Variants in ZC3H11B observed in about 807,000 individuals in gnomAD.
ZC3H11B encodes the protein zinc finger CCCH-type containing 11B, also known as zinc finger CCCH domain-containing protein 11B.
ZC3H11B carries 3 observed loss-of-function variants against 34.0 expected under a neutral mutation model. The ratio of observed to expected loss-of-function variants is 0.09; its 90% CI spans 0.04 to 0.23. The LOEUF is 0.23. Ranked by LOEUF, ZC3H11B falls within the 10% of genes least tolerant of loss-of-function variation. ZC3H11B has a pLI of 1.00. For missense variants in ZC3H11B, 99 were observed against 660.1 expected (o/e 0.15, Z 9.31); for synonymous variants, 33 against 250.1 (o/e 0.13, Z 8.19).
exon 2 of ZC3H11B, chr1:219,612,224 C>A: frequency 1.6e-6 from 1 of 632,006 alleles, no homozygotes; most frequent in Non-Finnish European, 2.8e-6. Flanking sequence ...TGGTTGCTCT[C>A]AACAGGAACG....
At chr1:219,609,004 T>C (rs1168136563) in exon 2 of ZC3H11B, 1 of 114,094 alleles carries the variant, frequency 8.8e-6, no homozygotes, top group Non-Finnish European at 1.8e-5. Flanking sequence ...AAATTAGATA[T>C]TGCTCTTCAG....
chr1:219,610,619 CCTT>C, exon 2 of ZC3H11B: 1 of 728,658 alleles, frequency 1.4e-6, no homozygotes, highest in Non-Finnish European at 2.5e-6. Context: ...ACCCTCAGTG[CCTT>C]CTCCAGTTTA....
chr1:219,612,236 C>T lies in ZC3H11B; in HGVS notation c.-174G>A. 6.7e-6 allele frequency: 4 copies of T among 600,630 alleles called. No individual in the cohort carries two copies. The South Asian group carries it at 8.5e-5, about 13-fold the overall frequency. The allele number at this position is 600,630 out of a possible 1,614,324, so 37.2% of individuals were successfully genotyped here. A position where few individuals can be genotyped will look rare whatever the true frequency, so the allele number is the denominator to read the frequency against. On this transcript the variant is annotated 5_prime_UTR_variant, in exon 2 of 2. Coordinates refer to ENST00000651890, the Ensembl canonical transcript of ZC3H11B. ...AGCTGGTTGCTCTCAACAGGAACGT[C>T]TGTGTCTTCACTGAGTTCCAATCTA... is the stretch of plus-strand genomic sequence containing the variant.
At chr1:219,612,932 G>A (rs1361889524) in exon 1 of ZC3H11B, 6 of 239,376 alleles carry the variant, frequency 2.5e-5, no homozygotes, top group South Asian at 2.3e-4. Context: ...GTAGGATACC[G>A]GAATAAGGTT....
Position 219,610,758 on chromosome 1 carries a change from C to CT in ZC3H11B, c.1304dup (p.Thr436AspfsTer2). ...CTGTTTTTTTAATTTCACTATCAGT[C>CT]TTTAGCTTGATGCAAGTTGTATCCT... is the stretch of plus-strand genomic sequence containing the variant. On this transcript the variant is annotated frameshift_variant, in exon 2 of 2. Coordinates refer to ENST00000651890, the Ensembl canonical transcript of ZC3H11B. LOFTEE classifies it high-confidence loss of function. 1 of 588,838 alleles carries CT rather than the reference C, an allele frequency of 1.7e-6. No homozygotes were observed. Among genetic ancestry groups the CT allele is most frequent in the Non-Finnish European group, 2.9e-6 (1 of 348,366 alleles). The allele number at this position is 588,838 out of a possible 1,614,324, so 36.5% of individuals were successfully genotyped here. A position where few individuals can be genotyped will look rare whatever the true frequency, so the allele number is the denominator to read the frequency against.
Position 219,611,240 on chromosome 1 carries a change from AG to A in ZC3H11B, c.822del (p.Leu275TrpfsTer25). The A allele has an allele frequency of 1.2e-6, 1 of 864,324 alleles. No individual in the cohort carries two copies. The highest frequency in any genetic ancestry group is 1.3e-5 in the South Asian group (1 of 75,368). 53.5% of individuals were successfully genotyped at this position (864,324 alleles called of 1,614,324 possible). On this transcript the variant is annotated frameshift_variant, in exon 2 of 2. Transcript: ENST00000651890. LOFTEE classifies it high-confidence loss of function. The stretch of plus-strand genomic sequence containing the variant: ...GTCTCAGTAAGGCCCAATCTAACCA[AG>A]GGTTCTTCTCCTTGTTTGGTGGAGA...
At chr1:219,611,692 T>C in exon 2 of ZC3H11B, 1 of 1,612,244 alleles carries the variant, frequency 6.2e-7, no homozygotes, top group East Asian at 2.2e-5. Flanking sequence ...GACAGACAAT[T>C]TGTTCTGCTG....
At chr1:219,612,553 A>C (rs1668015893) in exon 2 of ZC3H11B, 2 of 145,454 alleles carry the variant, frequency 1.4e-5, no homozygotes, top group Non-Finnish European at 2.6e-5. Context: ...TCCATAGCTG[A>C]ACAATATAAT....
exon 2 of ZC3H11B, chr1:219,609,316 G>A (rs1667963531): frequency 7.7e-6 from 3 of 387,780 alleles, no homozygotes; most frequent in Admixed American, 8.5e-5. Context: ...ACCTCAAGGA[G>A]TCACTAAGTT....
rs1326446158 is a variant in ZC3H11B at position 219,612,027 on chromosome 1, GA to G, written c.35del (p.Phe12SerfsTer20). 35 of 656,326 alleles carry G rather than the reference GA, an allele frequency of 5.3e-5. No individual in the cohort carries two copies. The highest frequency in any genetic ancestry group is 1.1e-4 in the South Asian group (6 of 55,992). 40.7% of individuals were successfully genotyped at this position (656,326 alleles called of 1,614,324 possible). On this transcript the variant is annotated frameshift_variant, in exon 2 of 2. Transcript: ENST00000651890. LOFTEE classifies it high-confidence loss of function. ...TGTCACCTTTGGTACATGTAGAATA[GA>G]AAAAAAAATAGCAGTCTTCTCCTTG... is the stretch of plus-strand genomic sequence containing the variant.
exon 2 of ZC3H11B, chr1:219,609,252 T>C (rs6685592): frequency 0.48 from 97,626 of 203,240 alleles, 25,004 homozygotes; most frequent in African/African-American, 0.59. Context: ...TTAAGTACAT[T>C]AAGACAATAC....
exon 2 of ZC3H11B, among the ~76,000 whole-genome samples, chr1:219,608,165 C>G (rs1667945675): frequency 2.0e-5 from 3 of 152,192 alleles, no homozygotes; most frequent in East Asian, 1.9e-4. Context: ...GAAGGGCTAT[C>G]ATACAACATT....
At chr1:219,611,660 G>A in exon 2 of ZC3H11B, 4 of 1,612,388 alleles carry the variant, frequency 2.5e-6, no homozygotes, top group Non-Finnish European at 3.4e-6. Context: ...ACGCTCCGCA[G>A]CTGAGGGGAA....
chr1:219,610,577 G>GGGAGCT (rs1395598966), exon 2 of ZC3H11B: 1 of 1,302,500 alleles, frequency 7.7e-7, no homozygotes, highest in Non-Finnish European at 1.1e-6. Context: ...TGTTGAGACG[G>GGGAGCT]GGAGCTGGTG....
exon 2 of ZC3H11B, chr1:219,608,765 T>C (rs571196927): frequency 3.3e-5 from 5 of 152,590 alleles, no homozygotes; most frequent in African/African-American, 1.2e-4. Context: ...AGGGGTTTGT[T>C]GGGAGAATTA....
exon 1 of ZC3H11B, chr1:219,613,002 G>T (rs1222819240): frequency 4.0e-6 from 1 of 246,982 alleles, no homozygotes; most frequent in East Asian, 6.9e-5. Context: ...CCGAACCGAT[G>T]ACACTATCCC....
rs1158203278 is a variant in ZC3H11B at position 219,608,100 on chromosome 1, G to A, written c.*1545C>T. Among the ~76,000 whole-genome samples the A allele has an allele frequency of 1.9e-4, 29 of 152,088 alleles. No homozygotes were observed. The East Asian group carries it at 3.9e-3, about 20-fold the overall frequency. On this transcript the variant is annotated 3_prime_UTR_variant, in exon 2 of 2. Transcript: ENST00000651890. ...TGGAATCTGTAAGCTGATTCCAAAAGCGAAATAAGTAGAAAATCCGTGGTG... is the reference window on the plus strand; with the variant it reads ...TGGAATCTGTAAGCTGATTCCAAAAACGAAATAAGTAGAAAATCCGTGGTG...
chr1:219,609,877 A>C, exon 2 of ZC3H11B: 1 of 1,614,180 alleles, frequency 6.2e-7, no homozygotes, highest in African/African-American at 1.3e-5. Flanking sequence ...GGTTGGAGGC[A>C]GCACAAGACT....
chr1:219,608,055 G>T (rs1667943809), exon 2 of ZC3H11B, among the ~76,000 whole-genome samples: 1 of 151,878 alleles, frequency 6.6e-6, no homozygotes, highest in Non-Finnish European at 1.5e-5. Context: ...AAAGAATAAA[G>T]AATATATACA....
Sources: allele counts gnomAD v4.1 joint callset (sites outside exome capture counted in the v4.1 genomes callset), GRCh38; gene constraint gnomAD v4.1.1; transcripts MANE v1.5; gene names NCBI Gene and HGNC (gene_info 2026-07-23, HGNC 2026-07-21).